HS3ST1: variants seen among roughly 807,000 people sequenced by gnomAD.
The protein encoded by HS3ST1 is heparan sulfate glucosamine 3-O-sulfotransferase 1.
Under a neutral mutation model 20.7 loss-of-function variants are expected in HS3ST1, and 8 were observed. The ratio of observed to expected loss-of-function variants is 0.39; its 90% CI spans 0.23 to 0.70. The LOEUF is 0.70. Among genes scored for constraint, HS3ST1 ranks in the 30% least tolerant of loss-of-function variants. HS3ST1 has a pLI of 0.46. For missense variants in HS3ST1, 436 were observed against 423.4 expected (o/e 1.03, Z -0.26); for synonymous variants, 205 against 190.4 (o/e 1.08, Z -0.63).
intron 1 of HS3ST1, among the ~76,000 whole-genome samples, chr4:11,422,120 A>T (rs1005286077): frequency 6.6e-6 from 1 of 152,228 alleles, no homozygotes; most frequent in African/African-American, 2.4e-5. Flanking sequence ...ATTCAGCTGG[A>T]CTGACCGTAT....
At position 11,419,352 on chromosome 4, in the gene HS3ST1, A is replaced by G. The variant is rs549574591; in HGVS notation, c.-109+9347T>C. Among the ~76,000 whole-genome samples, 28 of 152,034 alleles carry G rather than the reference A, an allele frequency of 1.8e-4. No homozygotes were observed. In the South Asian group the frequency reaches 3.3e-3, roughly 18 times the overall value. On this transcript the variant is annotated intron_variant, in intron 1 of 1. Coordinates refer to ENST00000002596, the MANE Select transcript of HS3ST1 (RefSeq NM_005114.4). ...GAAACAAAGGGCAAAAAACTGAGAC[A>G]CTCTCCCATGAATATGATGCATAAA...
chr4:11,423,021 CA>C (rs71181101), intron 1 of HS3ST1, among the ~76,000 whole-genome samples: 598 of 34,280 alleles, frequency 0.017, no homozygotes, highest in South Asian at 0.058. Context: ...GAGACACCGT[CA>C]AAAAAAAAAA....
chr4:11,426,458 G>T (rs970552943), intron 1 of HS3ST1, among the ~76,000 whole-genome samples: 1 of 152,056 alleles, frequency 6.6e-6, no homozygotes, highest in Non-Finnish European at 1.5e-5. Flanking sequence ...GACCCAGGGG[G>T]GGGGCTTGAG....
rs188519659 is a variant in HS3ST1, at chr4:11,410,647, C to T, written c.-108-10534G>A. Among the ~76,000 whole-genome samples the T allele has an allele frequency of 3.8e-3, 585 of 152,162 alleles. 6 individuals are homozygous for T. The highest frequency in any genetic ancestry group is 0.014 in the African/African-American group (567 of 41,530). On this transcript the variant is annotated intron_variant, in intron 1 of 1. Coordinates refer to ENST00000002596, the MANE Select transcript of HS3ST1 (RefSeq NM_005114.4). The stretch of plus-strand genomic sequence containing the variant: ...GTGGCTTATGCCTGTAATCCCAGCA[C>T]TTTTGGGAGGCCAAGGCGGGTAGAA...
upstream of HS3ST1, among the ~76,000 whole-genome samples, chr4:11,429,960 C>G (rs1005754888): frequency 6.6e-6 from 1 of 152,032 alleles, no homozygotes; most frequent in East Asian, 1.9e-4. Flanking sequence ...AATGAGATTA[C>G]TGTAGTTTCC....
intron 1 of HS3ST1, among the ~76,000 whole-genome samples, chr4:11,418,565 G>A (rs540541573): frequency 2.6e-5 from 4 of 152,142 alleles, no homozygotes; most frequent in East Asian, 1.9e-4. Context: ...TTCAAACTGC[G>A]TGGCGAATGG....
At chr4:11,431,902 G>A (rs796343298), upstream of HS3ST1, among the ~76,000 whole-genome samples, 24 of 152,236 alleles carry the variant, frequency 1.6e-4, no homozygotes, top group African/African-American at 5.5e-4. Context: ...ACTAATAAGT[G>A]GTAGGGCTGA....
chr4:11,400,183 C>T, intron 1 of HS3ST1, 70 bp from the exon 2 acceptor site: 2 of 1,313,896 alleles, frequency 1.5e-6, no homozygotes, highest in South Asian at 1.7e-5. Context: ...AACTCTGTAG[C>T]CACTCTGTAG....
At chr4:11,432,615 G>C (rs955022051), upstream of HS3ST1, among the ~76,000 whole-genome samples, 3 of 152,356 alleles carry the variant, frequency 2.0e-5, no homozygotes, top group Admixed American at 1.3e-4. Flanking sequence ...TGGGTAGAGG[G>C]AAGGGCGTTG....
Position 11,400,842 on chromosome 4 carries a change from G to C in HS3ST1, c.-108-729C>G, listed in dbSNP as rs191602266. On this transcript the variant is annotated intron_variant, in intron 1 of 1. Transcript: ENST00000002596. Reference sequence around the variant, plus strand: ...TGACAACGTATCAGTCCCCAGCCTGGCTGCAAGAGGCCTTGTGTGTTTTTG... The same window carrying C: ...TGACAACGTATCAGTCCCCAGCCTGCCTGCAAGAGGCCTTGTGTGTTTTTG... Among the ~76,000 whole-genome samples the C allele has an allele frequency of 2.0e-3, 307 of 152,312 alleles. 2 individuals are homozygous for C. The highest frequency in any genetic ancestry group is 1.6e-3 in the Non-Finnish European group (106 of 68,034).
intron 1 of HS3ST1, among the ~76,000 whole-genome samples, chr4:11,419,513 A>C (rs1718870830): frequency 6.6e-6 from 1 of 152,150 alleles, no homozygotes; most frequent in Admixed American, 6.5e-5. Context: ...ATTATGACAA[A>C]TAGCTGATGC....
chr4:11,400,082 A>G lies in HS3ST1; in HGVS notation c.-77T>C, dbSNP rs1240272572. 8 of 1,431,520 alleles carry G rather than the reference A, an allele frequency of 5.6e-6. No individual in the cohort carries two copies. The highest frequency in any genetic ancestry group is 7.3e-6 in the Non-Finnish European group (8 of 1,096,720). 88.7% of individuals were successfully genotyped at this position (1,431,520 alleles called of 1,614,324 possible). ...GCCGCAGCAGGGAAGCCTCCTAGTCAGTGGCACATGGGCGTTTCAGGCCTT... is the reference window on the plus strand; with the variant it reads ...GCCGCAGCAGGGAAGCCTCCTAGTCGGTGGCACATGGGCGTTTCAGGCCTT... On this transcript the variant is annotated 5_prime_UTR_variant, in exon 2 of 2. An upstream open reading frame in the 5' UTR loses its in-frame stop. Transcript: ENST00000002596.
upstream of HS3ST1, among the ~76,000 whole-genome samples, chr4:11,430,260 C>G (rs1227429394): frequency 6.6e-6 from 1 of 151,752 alleles, no homozygotes; most frequent in Non-Finnish European, 1.5e-5. Context: ...TTGTCTACTT[C>G]TTTTAGTCAG....
At chr4:11,418,519 A>G (rs895787967) in intron 1 of HS3ST1, among the ~76,000 whole-genome samples, 1 of 152,208 alleles carries the variant, frequency 6.6e-6, no homozygotes, top group South Asian at 2.1e-4. Context: ...CTTTTGGATC[A>G]GGGAATAGTC....
chr4:11,410,069 T>C (rs996262625), intron 1 of HS3ST1, among the ~76,000 whole-genome samples: 2 of 152,210 alleles, frequency 1.3e-5, no homozygotes, highest in Non-Finnish European at 2.9e-5. Flanking sequence ...TAAAAAAGAC[T>C]GAATGGCAAG....
At chr4:11,408,826 C>T (rs997400278) in intron 1 of HS3ST1, among the ~76,000 whole-genome samples, 4 of 152,204 alleles carry the variant, frequency 2.6e-5, no homozygotes, top group African/African-American at 9.6e-5. Context: ...CTTGGGCCCA[C>T]AGTGGGGTGC....
In HS3ST1 at chr4:11,400,039, G is replaced by A. The variant is rs1336040824; in HGVS notation, c.-34C>T. 9.6e-6 allele frequency: 14 copies of A among 1,457,748 alleles called. No individual in the cohort carries two copies. Among genetic ancestry groups the A allele is most frequent in the South Asian group, 7.0e-5 (5 of 70,950 alleles). The allele number at this position is 1,457,748 out of a possible 1,614,324, so 90.3% of individuals were successfully genotyped here. A position where few individuals can be genotyped will look rare whatever the true frequency, so the allele number is the denominator to read the frequency against. On this transcript the variant is annotated 5_prime_UTR_variant, in exon 2 of 2. Coordinates refer to ENST00000002596, the MANE Select transcript of HS3ST1 (RefSeq NM_005114.4). ...CCACGGTGGCTTCACTGGGCCGCGC[G>A]CCGCTGGGTCATGAAGTGCCGCAGC... is the stretch of plus-strand genomic sequence containing the variant.
At chr4:11,415,169 C>T (rs576720217) in intron 1 of HS3ST1, among the ~76,000 whole-genome samples, 30 of 152,316 alleles carry the variant, frequency 2.0e-4, no homozygotes, top group African/African-American at 6.7e-4. Flanking sequence ...AAGTTCAACA[C>T]TTTGAACTAA....
rs777406089 is a variant in HS3ST1 at position 11,399,640 on chromosome 4, C to G, written c.366G>C (p.Ala122=). The G allele has an allele frequency of 5.0e-6, 8 of 1,613,922 alleles. No individual in the cohort carries two copies. Among genetic ancestry groups the G allele is most frequent in the Middle Eastern group, 3.3e-4 (2 of 6,062 alleles). Residue 122 remains alanine (A), a synonymous_variant, in exon 2 of 2, where the codon GCG becomes GCC. Transcript: ENST00000002596. The surrounding 1 kb of genome is among the most constrained non-coding windows in gnomAD (Gnocchi z 5.1). ...PHQLTVEKTP[A]YFTSPKVPER... is the part of the protein sequence containing the mutation. ...CAGGCACTTTGGGCGACGTGAAATA[C>G]GCGGGGGTCTTCTCCACTGTGAGCT... is the stretch of plus-strand genomic sequence containing the variant.
Sources: gnomAD v4.1 joint callset for allele counts (sites outside exome capture counted in the v4.1 genomes callset) on GRCh38, gnomAD v4.1.1 for gene constraint, Gnocchi (gnomAD v3.1) non-coding constraint, MANE v1.5 for transcripts, NCBI Gene and HGNC (gene_info 2026-07-23, HGNC 2026-07-21) for gene names.